GULP1: variants seen among roughly 807,000 people sequenced by gnomAD.
GULP1 encodes PTB domain-containing engulfment adapter protein 1.
Under a neutral mutation model 40.9 loss-of-function variants are expected in GULP1, and 19 were observed. That is an observed-to-expected ratio of 0.46 (90% CI 0.32 to 0.68). The LOEUF is 0.68. Ranked by LOEUF, GULP1 falls within the 30% of genes least tolerant of loss-of-function variation. The probability of loss-of-function intolerance (pLI) is 0.03; values close to 1 mark genes in which losing one functional copy is unlikely to be tolerated. For synonymous variants in GULP1, 119 were observed against 117.6 expected, an observed-to-expected ratio of 1.01 and a Z score of -0.08; for missense variants, 312 against 362.2, an observed-to-expected ratio of 0.86 and a Z score of 1.12.
intron 2 of GULP1, among the ~76,000 whole-genome samples, chr2:188,443,666 A>G (rs2058128519): frequency 6.6e-6 from 1 of 151,952 alleles, no homozygotes; most frequent in Admixed American, 6.6e-5. Flanking sequence ...TAAATAGCTT[A>G]AACTGAAAAA....
chr2:188,474,535 G>A (rs1047239173), intron 2 of GULP1, among the ~76,000 whole-genome samples: 2 of 152,116 alleles, frequency 1.3e-5, no homozygotes, highest in East Asian at 3.9e-4. Flanking sequence ...TGAGTTGAAC[G>A]CCTTACAATT....
At chr2:188,521,647 C>G (rs1000169049) in intron 4 of GULP1, among the ~76,000 whole-genome samples, 26 of 152,312 alleles carry the variant, frequency 1.7e-4, no homozygotes, top group African/African-American at 6.0e-4. Flanking sequence ...GAAAGACCCA[C>G]TCTTGTGACT....
intron 2 of GULP1, among the ~76,000 whole-genome samples, chr2:188,470,168 A>G (rs1219734723): frequency 6.6e-6 from 1 of 152,150 alleles, no homozygotes; most frequent in Non-Finnish European, 1.5e-5. Flanking sequence ...AGAATTGAGC[A>G]GTGAAGCCAT....
At chr2:188,535,502 T>C (rs887723374) in intron 6 of GULP1, among the ~76,000 whole-genome samples, 2 of 151,762 alleles carry the variant, frequency 1.3e-5, no homozygotes, top group Non-Finnish European at 3.0e-5. Context: ...ATCCATTTTC[T>C]GGAAAGGACA....
intron 7 of GULP1, among the ~76,000 whole-genome samples, chr2:188,553,444 A>G (rs768633596): frequency 6.6e-6 from 1 of 151,902 alleles, no homozygotes; most frequent in Non-Finnish European, 1.5e-5. Flanking sequence ...CCTTCATTCC[A>G]TTAATTTGAG....
chr2:188,433,876 A>G (rs965020716), intron 2 of GULP1, among the ~76,000 whole-genome samples: 5 of 151,902 alleles, frequency 3.3e-5, no homozygotes, highest in African/African-American at 1.2e-4. Context: ...CCACAGTTCA[A>G]TTTACAAAAC....
At chr2:188,395,169 C>G (rs2051063541) in intron 2 of GULP1, among the ~76,000 whole-genome samples, 1 of 152,066 alleles carries the variant, frequency 6.6e-6, no homozygotes, top group Non-Finnish European at 1.5e-5. Flanking sequence ...TCAGGGGGAA[C>G]AGTCGGAGGC....
chr2:188,547,034 A>G (rs1378492235), intron 7 of GULP1, among the ~76,000 whole-genome samples: 4 of 152,054 alleles, frequency 2.6e-5, no homozygotes, highest in Non-Finnish European at 4.4e-5. Flanking sequence ...ATAACTATAA[A>G]GGAAATTAAA....
chr2:188,551,573 T>C (rs993425375), intron 7 of GULP1, among the ~76,000 whole-genome samples: 3 of 151,784 alleles, frequency 2.0e-5, no homozygotes, highest in Admixed American at 1.3e-4. Context: ...CATTTATCCA[T>C]TGGCGGACAT....
chr2:188,390,270 A>G (rs1391118261), intron 2 of GULP1, among the ~76,000 whole-genome samples: 1 of 152,104 alleles, frequency 6.6e-6, no homozygotes, highest in Admixed American at 6.6e-5. Context: ...TGCCACTTCC[A>G]CGCCAAATCT....
chr2:188,338,147 C>G (rs1228308393), intron 1 of GULP1, among the ~76,000 whole-genome samples: 1 of 152,066 alleles, frequency 6.6e-6, no homozygotes, highest in Non-Finnish European at 1.5e-5. Context: ...TAAGATCTTA[C>G]TAGGCTCCTC....
At chr2:188,427,618 G>A (rs190597020) in intron 2 of GULP1, among the ~76,000 whole-genome samples, 124 of 152,330 alleles carry the variant, frequency 8.1e-4, no homozygotes, top group African/African-American at 2.8e-3. Flanking sequence ...CATAAGCCTT[G>A]GTGGTTTCTA....
intron 2 of GULP1, among the ~76,000 whole-genome samples, chr2:188,406,618 G>GA (rs922189837): frequency 1.3e-5 from 2 of 151,590 alleles, no homozygotes; most frequent in East Asian, 1.9e-4. Context: ...TGTTCAAACA[G>GA]AAAAAAAATC....
chr2:188,528,712 A>G (rs551005742), intron 5 of GULP1, among the ~76,000 whole-genome samples: 3 of 152,322 alleles, frequency 2.0e-5, no homozygotes, highest in Admixed American at 1.3e-4. Flanking sequence ...AAGAGGGCAT[A>G]TTCAACAGCT....
At chr2:188,505,494 G>A (rs1249194589) in intron 4 of GULP1, among the ~76,000 whole-genome samples, 5 of 151,640 alleles carry the variant, frequency 3.3e-5, no homozygotes, top group African/African-American at 4.8e-5. Context: ...AGAATAGAAT[G>A]TACATATTAT....
In GULP1 at chr2:188,437,952, G is replaced by GA. The variant is rs911393985; in HGVS notation, c.-44-39701dup. ...GAGAGTGGGAAGAGGGAGAGGATCAGAAAAAATACCTGTTAGGTACCTGGC... is the reference window on the plus strand; with the variant it reads ...GAGAGTGGGAAGAGGGAGAGGATCAGAAAAAAATACCTGTTAGGTACCTGGC... On this transcript the variant is annotated intron_variant, in intron 2 of 11. Transcript: ENST00000409830. Among the ~76,000 whole-genome samples the GA allele has an allele frequency of 8.5e-5, 13 of 152,074 alleles. 1 individual carries two copies. Among genetic ancestry groups the GA allele is most frequent in the Admixed American group, 6.6e-4 (10 of 15,254 alleles).
At chr2:188,449,108 A>G (rs1286756714) in intron 2 of GULP1, among the ~76,000 whole-genome samples, 2 of 152,204 alleles carry the variant, frequency 1.3e-5, no homozygotes, top group Non-Finnish European at 2.9e-5. Flanking sequence ...AGATGTTCAG[A>G]TCTTGGCACA....
At chr2:188,331,579 A>G (rs2041587035) in intron 1 of GULP1, among the ~76,000 whole-genome samples, 1 of 152,198 alleles carries the variant, frequency 6.6e-6, no homozygotes, top group Non-Finnish European at 1.5e-5. Flanking sequence ...CAAACATTTG[A>G]TTTGATTATA....
intron 1 of GULP1, among the ~76,000 whole-genome samples, chr2:188,368,556 G>A (rs1461065660): frequency 1.3e-5 from 2 of 151,972 alleles, no homozygotes; most frequent in African/African-American, 4.8e-5. Context: ...ACTCCAGCCT[G>A]GGTAACAGAG....
Sources: gnomAD v4.1 joint callset for allele counts (sites outside exome capture counted in the v4.1 genomes callset) on GRCh38, gnomAD v4.1.1 for gene constraint, MANE v1.5 for transcripts, NCBI Gene and HGNC (gene_info 2026-07-23, HGNC 2026-07-21) for gene names.